Variants in MBTD1 observed in about 807,000 individuals in gnomAD.
The protein encoded by MBTD1 is MBT domain-containing protein 1.
Under a neutral mutation model 87.8 loss-of-function variants are expected in MBTD1, and 24 were observed. That is an observed-to-expected ratio of 0.27 (90% CI 0.20 to 0.38). The LOEUF (loss-of-function observed/expected upper bound fraction) is 0.38. Among genes scored for constraint, MBTD1 ranks in the 10% least tolerant of loss-of-function variants. The pLI is 1.00. For synonymous variants in MBTD1, 237 were observed against 248.6 expected (o/e 0.95, Z 0.44); for missense variants, 436 against 760.2 (o/e 0.57, Z 5.02).
intron 16 of MBTD1, among the ~76,000 whole-genome samples, chr17:51,190,750 A>AAAAAAAAAAAATAT (rs1555677185): frequency 2.5e-5 from 1 of 39,718 alleles, no homozygotes; most frequent in African/African-American, 1.5e-4. Flanking sequence ...AAAAAAAAAA[A>AAAAAAAAAAAATAT]ATATATATAT....
In MBTD1 at chr17:51,178,073, A is replaced by G. The variant is rs2050164841; in HGVS notation, c.*2503T>C. The stretch of plus-strand genomic sequence containing the variant: ...AGGTTAAAGAGTTTAAACTACCAAA[A>G]GTCCCCAAATAAATCCTAACAGGAA... On this transcript the variant is annotated 3_prime_UTR_variant, in exon 17 of 17. Coordinates refer to ENST00000586178, the MANE Select transcript of MBTD1 (RefSeq NM_017643.3). 1 of 152,230 alleles carries G rather than the reference A, an allele frequency of 6.6e-6. No homozygotes were observed. The highest frequency in any genetic ancestry group is 6.5e-5 in the Admixed American group (1 of 15,274). 9.4% of individuals were successfully genotyped at this position (152,230 alleles called of 1,614,324 possible).
At chr17:51,238,052 G>A (rs1184495454) in intron 2 of MBTD1, among the ~76,000 whole-genome samples, 2 of 152,166 alleles carry the variant, frequency 1.3e-5, no homozygotes, top group African/African-American at 4.8e-5. Context: ...TAGCTGTATA[G>A]TGACAGAAGG....
At chr17:51,221,620 C>T (rs1378158826) in intron 3 of MBTD1, among the ~76,000 whole-genome samples, 2 of 150,898 alleles carry the variant, frequency 1.3e-5, no homozygotes, top group Admixed American at 6.7e-5. Context: ...CAACCAAAAG[C>T]AGACTGAAAA....
intron 2 of MBTD1, among the ~76,000 whole-genome samples, chr17:51,226,021 C>T (rs918794299): frequency 6.6e-6 from 1 of 150,406 alleles, no homozygotes; most frequent in African/African-American, 2.4e-5. Flanking sequence ...TCAGGTGATC[C>T]GCCCACCTCG....
chr17:51,229,662 T>A (rs1002623031), intron 2 of MBTD1, among the ~76,000 whole-genome samples: 27 of 36,722 alleles, frequency 7.4e-4, no homozygotes, highest in African/African-American at 1.4e-3. Context: ...TTAGTATACT[T>A]TTTTTTTTTT....
chr17:51,187,350 T>C (rs1204584045), intron 16 of MBTD1, among the ~76,000 whole-genome samples: 2 of 149,614 alleles, frequency 1.3e-5, no homozygotes, highest in Non-Finnish European at 3.0e-5. Flanking sequence ...TGCAGTGAGC[T>C]ATGATTGCAC....
intron 6 of MBTD1, among the ~76,000 whole-genome samples, chr17:51,211,505 A>G (rs1023265157): frequency 4.1e-5 from 1 of 24,098 alleles, no homozygotes; most frequent in Non-Finnish European, 8.0e-5. Flanking sequence ...GAGACTGTTT[A>G]AAAAAAAAAA....
intron 16 of MBTD1, among the ~76,000 whole-genome samples, chr17:51,189,973 CGA>C (rs1248721197): frequency 6.6e-6 from 1 of 152,162 alleles, no homozygotes; most frequent in Non-Finnish European, 1.5e-5. Context: ...TGCCTATAAA[CGA>C]GAGGTCAAGA....
Position 51,179,512 on chromosome 17 carries a change from A to ATT in MBTD1, c.*1063_*1064insAA, listed in dbSNP as rs2050222173. On this transcript the variant is annotated 3_prime_UTR_variant, in exon 17 of 17. Transcript: ENST00000586178. ...TATATATATATATATATATATATAT[A>ATT]TATATATATATATATATATATATAT... The ATT allele has an allele frequency of 3.1e-5, 3 of 97,034 alleles. No individual in the cohort carries two copies. The highest frequency in any genetic ancestry group is 7.9e-5 in the African/African-American group (2 of 25,370). The allele number at this position is 97,034 out of a possible 1,614,324, so 6.0% of individuals were successfully genotyped here.
rs1360930425 is a variant in MBTD1 at position 51,179,464 on chromosome 17, GAATAC to G, written c.*1107_*1111del. On this transcript the variant is annotated 3_prime_UTR_variant, in exon 17 of 17. Coordinates refer to ENST00000586178, the MANE Select transcript of MBTD1 (RefSeq NM_017643.3). ...ATCGGTTATTATTAAAATAAATCCTGAATACAATTAAAGACAATTTTATATATATA... is the reference window on the plus strand; with the variant it reads ...ATCGGTTATTATTAAAATAAATCCTGAATTAAAGACAATTTTATATATATA... 1 of 77,730 alleles carries G rather than the reference GAATAC, an allele frequency of 1.3e-5. No individual in the cohort carries two copies. The highest frequency in any genetic ancestry group is 2.5e-5 in the Non-Finnish European group (1 of 39,890). The allele number at this position is 77,730 out of a possible 1,614,324, so 4.8% of individuals were successfully genotyped here.
chr17:51,254,402 T>C (rs1466214686), intron 2 of MBTD1, among the ~76,000 whole-genome samples: 1 of 152,158 alleles, frequency 6.6e-6, no homozygotes, highest in African/African-American at 2.4e-5. Context: ...AAATTCAATG[T>C]GCAAGCAAGA....
intron 16 of MBTD1, among the ~76,000 whole-genome samples, chr17:51,188,089 TGCA>T (rs1324145351): frequency 3.3e-5 from 5 of 152,178 alleles, no homozygotes; most frequent in Non-Finnish European, 5.9e-5. Context: ...CAAAATCACA[TGCA>T]GCAACAACTT....
chr17:51,193,214 T>G (rs1300881877), intron 14 of MBTD1, among the ~76,000 whole-genome samples, 198 bp from the exon 15 acceptor site: 1 of 152,246 alleles, frequency 6.6e-6, no homozygotes, highest in Non-Finnish European at 1.5e-5. Flanking sequence ...AATCTTCATT[T>G]CTATTTCCTT....
intron 2 of MBTD1, chr17:51,256,922 C>T (rs1422246229): frequency 6.6e-6 from 1 of 152,160 alleles, no homozygotes. Context: ...CTGCCAGCAC[C>T]CCTCTTATTG....
At chr17:51,224,112 T>C (rs2053075578) in intron 3 of MBTD1, among the ~76,000 whole-genome samples, 1 of 152,174 alleles carries the variant, frequency 6.6e-6, no homozygotes, top group Admixed American at 6.5e-5. Context: ...AGGGTGACCA[T>C]TTGTTTGGTT....
intron 2 of MBTD1, among the ~76,000 whole-genome samples, chr17:51,244,735 C>CT (rs1308377295): frequency 4.2e-5 from 5 of 119,328 alleles, no homozygotes; most frequent in Admixed American, 7.6e-5. Flanking sequence ...ATACTTCCAT[C>CT]TTTTTTTTGA....
At chr17:51,200,428 T>C (rs1285123439) in intron 12 of MBTD1, among the ~76,000 whole-genome samples, 3 of 151,072 alleles carry the variant, frequency 2.0e-5, no homozygotes, top group African/African-American at 4.9e-5. Context: ...ACTGGTTGGG[T>C]GTGGTGGCTT....
chr17:51,245,278 A>T (rs1000987309), intron 2 of MBTD1, among the ~76,000 whole-genome samples: 2 of 151,880 alleles, frequency 1.3e-5, no homozygotes, highest in Admixed American at 6.6e-5. Context: ...TTTAGTCTTA[A>T]TTTTCTTCAA....
chr17:51,227,819 G>A (rs1189698690), intron 2 of MBTD1, among the ~76,000 whole-genome samples: 1 of 151,738 alleles, frequency 6.6e-6, no homozygotes, highest in African/African-American at 2.4e-5. Context: ...GAGCGTGGTG[G>A]TGCATGCCTG....
Sources: allele counts gnomAD v4.1 joint callset (sites outside exome capture counted in the v4.1 genomes callset), GRCh38; gene constraint gnomAD v4.1.1; transcripts MANE v1.5; gene names NCBI Gene and HGNC (gene_info 2026-07-23, HGNC 2026-07-21).